Variants in RSF1 observed in about 807,000 individuals in gnomAD.
RSF1 encodes the protein HBV pX-associated protein 8.
Under a neutral mutation model 145.2 loss-of-function variants are expected in RSF1, and 13 were observed. The ratio of observed to expected loss-of-function variants is 0.09; its 90% CI spans 0.06 to 0.14. The LOEUF is 0.14. Ranked by LOEUF, RSF1 falls within the 10% of genes least tolerant of loss-of-function variation. The pLI, the probability that RSF1 is intolerant of heterozygous loss-of-function variation, is 1.00. For missense variants in RSF1, 1,517 were observed against 1,718.2 expected (o/e 0.88, Z 2.07); for synonymous variants, 577 against 592.6 (o/e 0.97, Z 0.38).
intron 1 of RSF1, among the ~76,000 whole-genome samples, chr11:77,769,048 A>C (rs1948255536): frequency 6.6e-6 from 1 of 152,178 alleles, no homozygotes; most frequent in South Asian, 2.1e-4. Context: ...GGACAGCTGT[A>C]AAGTATCAAT....
At position 77,694,613 on chromosome 11, in the gene RSF1, C is replaced by A. The variant is rs191894720; in HGVS notation, c.2716-1002G>T. Among the ~76,000 whole-genome samples, 119 of 152,260 alleles carry A rather than the reference C, an allele frequency of 7.8e-4. 1 individual carries two copies. The highest frequency in any genetic ancestry group is 1.2e-3 in the East Asian group (6 of 5,172). On this transcript the variant is annotated intron_variant, in intron 7 of 15. Transcript: ENST00000308488. ...GTACAAAGTTCTCTTATATCCTTCA[C>A]CCAATTTTTAACACCATTACCTCAT...
chr11:77,742,753 C>T (rs1263190862), intron 3 of RSF1, among the ~76,000 whole-genome samples: 2 of 152,154 alleles, frequency 1.3e-5, no homozygotes, highest in African/African-American at 2.4e-5. Flanking sequence ...CCATTTCCTA[C>T]GTCTTTTTCT....
chr11:77,724,393 G>C (rs1324685259), intron 5 of RSF1, among the ~76,000 whole-genome samples: 2 of 152,144 alleles, frequency 1.3e-5, no homozygotes, highest in East Asian at 3.9e-4. Context: ...AGAAGGGAAA[G>C]CAGGGACTCA....
chr11:77,796,740 G>T (rs146277796), intron 1 of RSF1, among the ~76,000 whole-genome samples: 4 of 152,284 alleles, frequency 2.6e-5, no homozygotes, highest in Admixed American at 2.0e-4. Flanking sequence ...CAAATAACAT[G>T]ATTATACATT....
chr11:77,683,633 G>A, intron 11 of RSF1, 77 bp downstream of exon 11: 1 of 860,306 alleles, frequency 1.2e-6, no homozygotes, highest in Non-Finnish European at 1.9e-6. Context: ...GATAGAAAAA[G>A]CATATACTTC....
At chr11:77,866,986 G>A in the RSF1 span, among the ~76,000 whole-genome samples, 5 of 151,994 alleles carry the variant, frequency 3.3e-5, no homozygotes, top group African/African-American at 2.4e-5. Flanking sequence ...AATTACAGGC[G>A]CATGTCACCA....
intron 1 of RSF1, among the ~76,000 whole-genome samples, chr11:77,765,477 C>T (rs775120454): frequency 6.6e-6 from 1 of 152,196 alleles, no homozygotes; most frequent in Non-Finnish European, 1.5e-5. Context: ...GTTCTAATTA[C>T]TAGAAAGTTA....
intron 1 of RSF1, among the ~76,000 whole-genome samples, chr11:77,766,707 G>A (rs1461580011): frequency 1.3e-5 from 2 of 152,186 alleles, no homozygotes; most frequent in African/African-American, 2.4e-5. Flanking sequence ...AGCCTAATGA[G>A]GCCAGGCTCA....
At chr11:77,845,432 CT>C in the RSF1 span, among the ~76,000 whole-genome samples, 2 of 144,154 alleles carry the variant, frequency 1.4e-5, no homozygotes, top group East Asian at 2.0e-4. Context: ...TTTTTCTTTT[CT>C]TTTTTTTTGG....
the RSF1 span, among the ~76,000 whole-genome samples, chr11:77,840,097 AAC>A: frequency 0.76 from 114,614 of 150,302 alleles, 44,139 homozygotes; most frequent in African/African-American, 0.89. Context: ...GGGGACAGTA[AAC>A]ACACACACAC....
chr11:77,661,153 CTTTTA>C lies in RSF1; in HGVS notation c.*5759_*5763del, dbSNP rs1458162563. ...ATAGACCAATTCTAGTTTTTTCCTT[CTTTTA>C]TATGAATAGATTAAAATCAAGCCCT... On this transcript the variant is annotated 3_prime_UTR_variant, in exon 16 of 16. Coordinates refer to ENST00000308488, the MANE Select transcript of RSF1 (RefSeq NM_016578.4). The C allele has an allele frequency of 6.6e-6, 1 of 152,086 alleles. No individual in the cohort carries two copies. The highest frequency in any genetic ancestry group is 1.9e-4 in the East Asian group (1 of 5,190). The allele number at this position is 152,086 out of a possible 1,614,324, so 9.4% of individuals were successfully genotyped here.
chr11:77,784,527 C>A (rs1948435507), intron 1 of RSF1, among the ~76,000 whole-genome samples: 1 of 151,850 alleles, frequency 6.6e-6, no homozygotes, highest in African/African-American at 2.4e-5. Context: ...CTCAGCACAG[C>A]TAGTAATTTG....
the RSF1 span, among the ~76,000 whole-genome samples, chr11:77,828,956 A>T: frequency 1.3e-5 from 2 of 152,220 alleles, no homozygotes; most frequent in Admixed American, 1.3e-4. Flanking sequence ...AAGGACTCAC[A>T]CTTCCTGGCT....
chr11:77,666,971 C>A lies in RSF1; in HGVS notation c.4272G>T (p.Glu1424Asp). ...EAGAPEEEED[E>D]LLRVTDLVDY... is the part of the protein sequence containing the mutation. Reference sequence around the variant, plus strand: ...CAACAAGGTCAGTCACTCTCAAAAGCTCATCTTCCTCCTCTTCTGGTGCTC... The same window carrying A: ...CAACAAGGTCAGTCACTCTCAAAAGATCATCTTCCTCCTCTTCTGGTGCTC... Residue 1424 changes from glutamate (E) to aspartate (D), a missense_variant, in exon 16 of 16, where the codon GAG becomes GAT. Physicochemically the swap from Glu to Asp is conservative, Grantham distance 45. This residue lies in a region of RSF1 where 10 missense variants were observed against 29.5 expected (regional missense o/e 0.34). Transcript: ENST00000308488. 2 of 1,605,730 alleles carry A rather than the reference C, an allele frequency of 1.2e-6. No individual in the cohort carries two copies. The highest frequency in any genetic ancestry group is 1.1e-5 in the South Asian group (1 of 90,256).
At chr11:77,695,377 AG>A (rs1960256123) in intron 7 of RSF1, among the ~76,000 whole-genome samples, 1 of 152,074 alleles carries the variant, frequency 6.6e-6, no homozygotes, top group Non-Finnish European at 1.5e-5. Flanking sequence ...ATATGTTATT[AG>A]GAATTATTCT....
intron 8 of RSF1, among the ~76,000 whole-genome samples, chr11:77,692,485 C>T (rs1960179280): frequency 9.8e-6 from 1 of 101,990 alleles, no homozygotes; most frequent in African/African-American, 5.1e-5. Flanking sequence ...ACCTCGTGAT[C>T]CGCCCGCCTC....
At chr11:77,757,655 C>T (rs940014731) in intron 2 of RSF1, among the ~76,000 whole-genome samples, 8 of 151,364 alleles carry the variant, frequency 5.3e-5, no homozygotes, top group Middle Eastern at 3.4e-3. Context: ...TCCAACCTGG[C>T]GACAGAGCGA....
intron 1 of RSF1, among the ~76,000 whole-genome samples, chr11:77,799,616 A>G (rs1948607878): frequency 6.6e-6 from 1 of 152,100 alleles, no homozygotes; most frequent in African/African-American, 2.4e-5. Context: ...GTCCTTTCAA[A>G]TTTCACCACC....
At chr11:77,697,475 TATATA>T (rs1960306442) in intron 7 of RSF1, among the ~76,000 whole-genome samples, 1 of 20,692 alleles carries the variant, frequency 4.8e-5, no homozygotes, top group Admixed American at 5.0e-4. Flanking sequence ...AATATATTTA[TATATA>T]ATATATAATA....
Sources: gnomAD v4.1 joint callset for allele counts (sites outside exome capture counted in the v4.1 genomes callset) on GRCh38, gnomAD v4.1.1 for gene constraint, gnomAD v4.1.1 regional missense constraint, MANE v1.5 for transcripts, NCBI Gene and HGNC (gene_info 2026-07-23, HGNC 2026-07-21) for gene names.